Variants in RAB22A observed in about 807,000 individuals in gnomAD.
RAB22A encodes ras-related protein Rab-22A.
In RAB22A, 13 loss-of-function variants were observed where a neutral mutation model predicts 30.2. That is an observed-to-expected ratio of 0.43 (90% CI 0.28 to 0.68). The LOEUF (loss-of-function observed/expected upper bound fraction) is 0.68. Ranked by LOEUF, RAB22A falls within the 30% of genes least tolerant of loss-of-function variation. The pLI, the probability that RAB22A is intolerant of heterozygous loss-of-function variation, is 0.18. For missense variants in RAB22A, 177 were observed against 246.8 expected, an observed-to-expected ratio of 0.72 and a Z score of 1.89; for synonymous variants, 89 against 87.2, an observed-to-expected ratio of 1.02 and a Z score of -0.11.
chr20:58,340,916 G>T (rs1052294592), intron 2 of RAB22A, among the ~76,000 whole-genome samples: 4 of 152,130 alleles, frequency 2.6e-5, no homozygotes, highest in Non-Finnish European at 5.9e-5. Context: ...AGCAGTCAGT[G>T]GTCCGTGGGA....
intron 2 of RAB22A, among the ~76,000 whole-genome samples, chr20:58,314,827 C>A (rs1986303364): frequency 6.7e-6 from 1 of 150,338 alleles, no homozygotes; most frequent in African/African-American, 2.5e-5. Flanking sequence ...GGTGACAGAG[C>A]AAGACTCCAT....
intron 6 of RAB22A, among the ~76,000 whole-genome samples, chr20:58,355,654 T>TA (rs1487600328): frequency 6.6e-6 from 1 of 151,798 alleles, no homozygotes; most frequent in East Asian, 1.9e-4. Context: ...ACCCTATGTC[T>TA]AAAAAAATAT....
At chr20:58,316,629 G>A (rs1452247405) in intron 2 of RAB22A, among the ~76,000 whole-genome samples, 2 of 152,020 alleles carry the variant, frequency 1.3e-5, no homozygotes, top group African/African-American at 4.8e-5. Context: ...TAGAAGATTG[G>A]CTCCCTGCAC....
rs897841079 is a variant in RAB22A at position 58,324,382 on chromosome 20, G to T, written c.116+13260G>T. On this transcript the variant is annotated intron_variant, in intron 2 of 6. Coordinates refer to ENST00000244040, the MANE Select transcript of RAB22A (RefSeq NM_020673.3). ...ACATAAAGATGTTAAGATTCTATAC[G>T]GAGACCCCGTTTTCATTTCTGATAT... 3.3e-5 allele frequency among the ~76,000 whole-genome samples: 5 copies of T among 151,674 alleles called. No individual in the cohort carries two copies. The South Asian group carries it at 1.0e-3, about 32-fold the overall frequency.
intron 6 of RAB22A, among the ~76,000 whole-genome samples, chr20:58,356,488 G>A (rs1391089567): frequency 2.0e-5 from 3 of 152,152 alleles, no homozygotes; most frequent in Non-Finnish European, 4.4e-5. Flanking sequence ...GTAAAACTGC[G>A]TGAGCACAGT....
chr20:58,325,640 G>A (rs1986557007), intron 2 of RAB22A, among the ~76,000 whole-genome samples: 1 of 152,030 alleles, frequency 6.6e-6, no homozygotes, highest in African/African-American at 2.4e-5. Flanking sequence ...TTCCAAACAG[G>A]GATATCTTCT....
chr20:58,316,290 T>C (rs526743), intron 2 of RAB22A, among the ~76,000 whole-genome samples: 18,987 of 152,134 alleles, frequency 0.12, 1,516 homozygotes, highest in Non-Finnish European at 0.18. Flanking sequence ...TTCATCTTCT[T>C]ACCTCCAGGG....
chr20:58,314,568 C>A (rs764284355), intron 2 of RAB22A, among the ~76,000 whole-genome samples: 1 of 152,018 alleles, frequency 6.6e-6, no homozygotes, highest in African/African-American at 2.4e-5. Flanking sequence ...TGGCTGTGCA[C>A]GGTGGCTCAC....
chr20:58,314,963 G>T (rs1164601773), intron 2 of RAB22A, among the ~76,000 whole-genome samples: 2 of 152,172 alleles, frequency 1.3e-5, no homozygotes, highest in Non-Finnish European at 2.9e-5. Flanking sequence ...CCGTGAGGCG[G>T]GAGGGCAAGG....
chr20:58,339,602 A>G (rs1209817941), intron 2 of RAB22A, among the ~76,000 whole-genome samples: 1 of 152,210 alleles, frequency 6.6e-6, no homozygotes, highest in African/African-American at 2.4e-5. Context: ...GAAGAACCAG[A>G]CAGCTCTACT....
chr20:58,311,371 C>A (rs1661242744), intron 2 of RAB22A, among the ~76,000 whole-genome samples: 1 of 152,176 alleles, frequency 6.6e-6, no homozygotes, highest in South Asian at 2.1e-4. Flanking sequence ...ATTATTAGAA[C>A]AGACACAGAA....
intron 3 of RAB22A, among the ~76,000 whole-genome samples, chr20:58,352,236 A>G (rs1987063454): frequency 1.3e-5 from 2 of 152,322 alleles, no homozygotes; most frequent in East Asian, 3.9e-4. Flanking sequence ...TTAAAAGCCA[A>G]AAGGTTAAAC....
Position 58,318,985 on chromosome 20 carries a change from G to A in RAB22A, c.116+7863G>A, listed in dbSNP as rs117438581. ...AAAATTGCTTAGAATGGTGTATGTC[G>A]TATGGAAAGCATTTGTTATTTCTTA... On this transcript the variant is annotated intron_variant, in intron 2 of 6. Transcript: ENST00000244040. 8.4e-3 allele frequency among the ~76,000 whole-genome samples: 1,278 copies of A among 152,276 alleles called. 8 individuals are homozygous for A. Among genetic ancestry groups the A allele is most frequent in the South Asian group, 0.012 (57 of 4,828 alleles).
At position 58,359,609 on chromosome 20, in the gene RAB22A, G is replaced by T. The variant is rs201220148; in HGVS notation, c.491G>T (p.Arg164Leu). Residue 164 changes from arginine (R) to leucine (L), a missense_variant, in exon 7 of 7, where the codon CGA (arginine) becomes CTA (leucine). Physicochemically the swap from Arg to Leu is moderately radical, Grantham distance 102. Transcript: ENST00000244040. ...NINELFIEIS[R>L]RIPSTDANLP... Reference sequence around the variant, plus strand: ...CCCTTTTCTCATCTTGGTTTAGGTCGAAGAATTCCATCCACTGACGCCAAC... The same window carrying T: ...CCCTTTTCTCATCTTGGTTTAGGTCTAAGAATTCCATCCACTGACGCCAAC... 3 of 1,603,726 alleles carry T rather than the reference G, an allele frequency of 1.9e-6. No individual in the cohort carries two copies. The highest frequency in any genetic ancestry group is 1.7e-5 in the Admixed American group (1 of 59,668).
chr20:58,337,309 G>A (rs926766220), intron 2 of RAB22A, among the ~76,000 whole-genome samples: 2 of 151,998 alleles, frequency 1.3e-5, no homozygotes, highest in South Asian at 2.1e-4. Context: ...TTCAAGGCCC[G>A]TCATTCTCTT....
At chr20:58,313,507 C>T (rs749091277) in intron 2 of RAB22A, among the ~76,000 whole-genome samples, 1 of 152,100 alleles carries the variant, frequency 6.6e-6, no homozygotes, top group African/African-American at 2.4e-5. Flanking sequence ...ACCACAAGAG[C>T]ACCCATTCCC....
intron 2 of RAB22A, among the ~76,000 whole-genome samples, chr20:58,322,232 C>T (rs1568865310): frequency 6.6e-6 from 1 of 152,178 alleles, no homozygotes; most frequent in Non-Finnish European, 1.5e-5. Flanking sequence ...ATTTGATTAT[C>T]TCTTCCCATG....
In RAB22A at chr20:58,364,462, C is replaced by A. The variant is rs1987279963; in HGVS notation, c.*4759C>A. 1 of 152,124 alleles carries A rather than the reference C, an allele frequency of 6.6e-6. No individual in the cohort carries two copies. The highest frequency in any genetic ancestry group is 2.4e-5 in the African/African-American group (1 of 41,420). 9.4% of individuals were successfully genotyped at this position (152,124 alleles called of 1,614,324 possible). A position where few individuals can be genotyped will look rare whatever the true frequency, so the allele number is the denominator to read the frequency against. On this transcript the variant is annotated 3_prime_UTR_variant, in exon 7 of 7. Coordinates refer to ENST00000244040, the MANE Select transcript of RAB22A (RefSeq NM_020673.3). ...AGCTTAAAAAAACAAAAATCCCAAA[C>A]CTTCCATCTATCCCTTTTATTACGT...
intron 3 of RAB22A, chr20:58,345,364 T>G (rs1352569538): frequency 6.6e-6 from 1 of 152,012 alleles, no homozygotes; most frequent in Non-Finnish European, 1.5e-5. Flanking sequence ...GTAGCAGAAG[T>G]CTGTGAAGTT....
Sources: gnomAD v4.1 joint callset for allele counts (sites outside exome capture counted in the v4.1 genomes callset) on GRCh38, gnomAD v4.1.1 for gene constraint, MANE v1.5 for transcripts, NCBI Gene and HGNC (gene_info 2026-07-23, HGNC 2026-07-21) for gene names.